Variants in UBE2W observed in about 807,000 individuals in gnomAD.
The protein encoded by UBE2W is ubiquitin conjugating enzyme E2 W.
UBE2W carries 18 observed loss-of-function variants against 27.2 expected under a neutral mutation model. That is an observed-to-expected ratio of 0.66 (90% confidence interval 0.46 to 0.98). UBE2W has a LOEUF of 0.98. UBE2W is among the 50% of genes least tolerant of loss of function. The pLI is 0.00. For missense variants in UBE2W, 90 were observed against 180.2 expected, an observed-to-expected ratio of 0.50 and a Z score of 2.87; for synonymous variants, 53 against 57.2, an observed-to-expected ratio of 0.93 and a Z score of 0.33.
rs73322640 is a variant in UBE2W at position 73,788,727 on chromosome 8, T to C, written c.*5375A>G. The C allele has an allele frequency of 7.7e-3, 7,552 of 985,340 alleles. 332 individuals carry two copies. The African/African-American group carries it at 0.11, about 14-fold the overall frequency. 61.0% of individuals were successfully genotyped at this position (985,340 alleles called of 1,614,324 possible). A position where few individuals can be genotyped will look rare whatever the true frequency, so the allele number is the denominator to read the frequency against. The stretch of plus-strand genomic sequence containing the variant: ...TTGCCTTTGAGAAAACAACTTAGAA[T>C]TGTTGTAGGACCAATGAGAAAACAA... On this transcript the variant is annotated 3_prime_UTR_variant, in exon 6 of 6. Transcript: ENST00000602593.
chr8:73,824,941 G>C (rs1351379635), intron 3 of UBE2W, among the ~76,000 whole-genome samples: 1 of 152,146 alleles, frequency 6.6e-6, no homozygotes, highest in Non-Finnish European at 1.5e-5. Context: ...AGCAACAAAT[G>C]AAACAATTTT....
chr8:73,784,712 T>C (rs1485342010), downstream of UBE2W, among the ~76,000 whole-genome samples: 1 of 152,202 alleles, frequency 6.6e-6, no homozygotes, highest in African/African-American at 2.4e-5. Context: ...CTGGTTTACT[T>C]AGCTGATCTT....
chr8:73,805,472 C>CAAAAAAAAAAAAAACAAAAAAA, intron 5 of UBE2W, among the ~76,000 whole-genome samples, 179 bp downstream of exon 5: 1 of 43,676 alleles, frequency 2.3e-5, no homozygotes, highest in African/African-American at 6.0e-5. Flanking sequence ...AAAAAAAAAA[C>CAAAAAAAAAAAAAACAAAAAAA]AAAAAAAACT....
chr8:73,810,736 C>CA, intron 3 of UBE2W, 107 bp from the exon 4 acceptor site: 1 of 836,460 alleles, frequency 1.2e-6, no homozygotes, highest in Non-Finnish European at 1.7e-6. Flanking sequence ...AAAAAACCAC[C>CA]AAAATCAGTG....
rs145507190 is a variant in UBE2W at position 73,861,636 on chromosome 8, G to A, written c.15+17172C>T. On this transcript the variant is annotated intron_variant, in intron 1 of 5. Coordinates refer to ENST00000602593, the MANE Select transcript of UBE2W (RefSeq NM_018299.6). ...ATTACGTTTTAAATGAGATTTTTAT[G>A]CATATTCAACTCCAACGATTCATGA... Among the ~76,000 whole-genome samples the A allele has an allele frequency of 1.4e-3, 206 of 152,154 alleles. 1 individual carries two copies. In the East Asian group the frequency reaches 0.015, roughly 11 times the overall value.
chr8:73,790,377 T>A lies in UBE2W; in HGVS notation c.*3725A>T. 1 of 985,404 alleles carries A rather than the reference T, an allele frequency of 1.0e-6. No homozygotes were observed. The highest frequency in any genetic ancestry group is 1.2e-6 in the Non-Finnish European group (1 of 829,928). The allele number at this position is 985,404 out of a possible 1,614,324, so 61.0% of individuals were successfully genotyped here. On this transcript the variant is annotated 3_prime_UTR_variant, in exon 6 of 6. Coordinates refer to ENST00000602593, the MANE Select transcript of UBE2W (RefSeq NM_018299.6). The stretch of plus-strand genomic sequence containing the variant: ...AAGACACCTTCTTCACAGACCTCAA[T>A]CATGCACAGGCAGTAACGGCATTAC...
chr8:73,835,735 T>G (rs1362466174), intron 1 of UBE2W, among the ~76,000 whole-genome samples: 1 of 152,120 alleles, frequency 6.6e-6, no homozygotes, highest in Non-Finnish European at 1.5e-5. Flanking sequence ...AGAGCGAGAC[T>G]TTGCCTCAAA....
chr8:73,799,241 C>A (rs911387709), intron 5 of UBE2W, among the ~76,000 whole-genome samples: 2 of 151,888 alleles, frequency 1.3e-5, no homozygotes, highest in Non-Finnish European at 2.9e-5. Flanking sequence ...ATAAGAACCT[C>A]AAAAGAAATA....
At chr8:73,871,549 AAGTAG>A (rs1174545488) in intron 1 of UBE2W, among the ~76,000 whole-genome samples, 1 of 152,304 alleles carries the variant, frequency 6.6e-6, no homozygotes, top group East Asian at 1.9e-4. Flanking sequence ...AGCTAAATGA[AAGTAG>A]AGTATTTTCT....
At chr8:73,828,513 CTAA>C in intron 2 of UBE2W, among the ~76,000 whole-genome samples, 1 of 152,086 alleles carries the variant, frequency 6.6e-6, no homozygotes. Context: ...ATAGTTAGTT[CTAA>C]GTCTTTTTCT....
chr8:73,821,366 T>C (rs1029157921), intron 3 of UBE2W, among the ~76,000 whole-genome samples: 16 of 152,136 alleles, frequency 1.1e-4, no homozygotes, highest in African/African-American at 3.6e-4. Flanking sequence ...ACAGAATGCA[T>C]GCAGGTGCAG....
intron 1 of UBE2W, among the ~76,000 whole-genome samples, chr8:73,876,221 A>G (rs1812216151): frequency 6.6e-6 from 1 of 151,816 alleles, no homozygotes; most frequent in Non-Finnish European, 1.5e-5. Flanking sequence ...GAGGTCCCCC[A>G]AAAGATAACT....
chr8:73,785,567 T>C (rs904198621), downstream of UBE2W, among the ~76,000 whole-genome samples: 2 of 152,026 alleles, frequency 1.3e-5, no homozygotes, highest in African/African-American at 4.8e-5. Flanking sequence ...ACACAGTACC[T>C]AATATGTAGT....
chr8:73,804,041 C>T (rs567635158), intron 5 of UBE2W, among the ~76,000 whole-genome samples: 1 of 152,202 alleles, frequency 6.6e-6, no homozygotes, highest in East Asian at 1.9e-4. Flanking sequence ...GCTGGGATTA[C>T]AGGCATGAGC....
chr8:73,846,877 T>C (rs538164258), intron 1 of UBE2W, among the ~76,000 whole-genome samples: 3 of 152,178 alleles, frequency 2.0e-5, no homozygotes, highest in Non-Finnish European at 2.9e-5. Flanking sequence ...ATCATTAACA[T>C]AAAAAACTAA....
chr8:73,810,486 G>A lies in UBE2W; in HGVS notation c.354C>T (p.Ser118=), dbSNP rs1302069758. 6.2e-7 allele frequency: 1 copy of A among 1,610,832 alleles called. No individual in the cohort carries two copies. The highest frequency in any genetic ancestry group is 8.5e-7 in the Non-Finnish European group (1 of 1,179,188). The change falls in exon 4 of 6, where the codon AGC becomes AGT. Residue 118 remains serine (S), a synonymous_variant. Coordinates refer to ENST00000602593, the MANE Select transcript of UBE2W (RefSeq NM_018299.6). The part of the protein sequence containing the change: ...VCLSIISMLS[S]CKEKRRPPDN... ...TGAAAAGTCTTACCTTTTCCTTGCA[G>A]CTGGAAAGCATGCTAATAATGCTAA...
intron 1 of UBE2W, among the ~76,000 whole-genome samples, chr8:73,865,542 G>A (rs750533223): frequency 2.9e-4 from 44 of 152,306 alleles, no homozygotes; most frequent in Non-Finnish European, 5.1e-4. Context: ...GGTCCAGGAG[G>A]CCAAGGCTGC....
intron 5 of UBE2W, chr8:73,796,047 G>A (rs1808398408): frequency 1.0e-5 from 1 of 98,606 alleles, no homozygotes; most frequent in Non-Finnish European, 1.8e-5. Context: ...GTGATCCCTA[G>A]CCAACACCAT....
At chr8:73,840,305 C>A (rs1810487879) in intron 1 of UBE2W, among the ~76,000 whole-genome samples, 1 of 152,228 alleles carries the variant, frequency 6.6e-6, no homozygotes, top group Non-Finnish European at 1.5e-5. Flanking sequence ...ATCCGCCTGC[C>A]TTGGCCTCCC....
Sources: gnomAD v4.1 joint callset for allele counts (sites outside exome capture counted in the v4.1 genomes callset) on GRCh38, gnomAD v4.1.1 for gene constraint, MANE v1.5 for transcripts, NCBI Gene and HGNC (gene_info 2026-07-23, HGNC 2026-07-21) for gene names.